Variants in LRRC28 observed in about 807,000 individuals in gnomAD.
LRRC28 encodes leucine-rich repeat-containing protein 28.
A neutral mutation model predicts 45.7 loss-of-function variants in LRRC28; 39 were observed. The observed-to-expected ratio is 0.85, with a 90% CI of 0.66 to 1.12. LRRC28 has a LOEUF of 1.12. Ranked by LOEUF, LRRC28 falls within the 50% of genes most tolerant of loss-of-function variation. The pLI, the probability that LRRC28 is intolerant of heterozygous loss-of-function variation, is 0.00. For synonymous variants in LRRC28, 206 were observed against 178.8 expected (o/e 1.15, Z -1.22); for missense variants, 435 against 438.5 (o/e 0.99, Z 0.07).
At chr15:99,252,513 G>A (rs1010266016) in intron 1 of LRRC28, among the ~76,000 whole-genome samples, 1 of 152,158 alleles carries the variant, frequency 6.6e-6, no homozygotes, top group Non-Finnish European at 1.5e-5. Flanking sequence ...TGCATTATAG[G>A]GCGGCGGTGC....
intron 5 of LRRC28, among the ~76,000 whole-genome samples, chr15:99,294,021 G>A (rs2082202719): frequency 2.6e-5 from 4 of 152,024 alleles, no homozygotes; most frequent in Admixed American, 6.6e-5. Context: ...TTTCCTGGCC[G>A]CCATTGTTTC....
chr15:99,332,053 C>G (rs960901756), intron 5 of LRRC28: 5 of 152,210 alleles, frequency 3.3e-5, no homozygotes, highest in African/African-American at 9.7e-5. Context: ...ACTCTTCTCT[C>G]CCACATAGTC....
chr15:99,381,616 T>TA (rs1252900586), intron 9 of LRRC28, among the ~76,000 whole-genome samples: 4 of 152,254 alleles, frequency 2.6e-5, no homozygotes, highest in Non-Finnish European at 4.4e-5. Context: ...CTCTGATTTT[T>TA]AGAGTTTTCA....
At position 99,386,271 on chromosome 15, in the gene LRRC28, G is replaced by A; in HGVS notation, c.*169G>A. 2.1e-5 allele frequency: 12 copies of A among 574,078 alleles called. No individual in the cohort carries two copies. Among genetic ancestry groups the A allele is most frequent in the Non-Finnish European group, 3.4e-5 (11 of 322,282 alleles). 35.6% of individuals were successfully genotyped at this position (574,078 alleles called of 1,614,324 possible). ...ATGCCTTCACCCTTCCCCCAAGTTG[G>A]AATATATCCTCCCCCAAATTAAGGA... is the stretch of plus-strand genomic sequence containing the variant. On this transcript the variant is annotated 3_prime_UTR_variant, in exon 10 of 10. Coordinates refer to ENST00000301981, the MANE Select transcript of LRRC28 (RefSeq NM_144598.5).
chr15:99,261,157 G>T (rs1389743659), intron 2 of LRRC28, among the ~76,000 whole-genome samples: 1 of 152,142 alleles, frequency 6.6e-6, no homozygotes, highest in Non-Finnish European at 1.5e-5. Flanking sequence ...CTTGGTGAAT[G>T]CTCATGTTTA....
At chr15:99,373,567 A>G (rs142421623) in intron 9 of LRRC28, among the ~76,000 whole-genome samples, 10 of 152,308 alleles carry the variant, frequency 6.6e-5, no homozygotes, top group African/African-American at 2.4e-4. Context: ...AAAATGCACA[A>G]TTACTGACTG....
intron 6 of LRRC28, among the ~76,000 whole-genome samples, chr15:99,350,142 CAAA>C (rs71149462): frequency 4.1e-5 from 4 of 97,874 alleles, no homozygotes; most frequent in East Asian, 3.2e-4. Context: ...GACTCCGTCT[CAAA>C]AAAAAAAAAA....
intron 9 of LRRC28, among the ~76,000 whole-genome samples, chr15:99,367,267 A>G (rs891074664): frequency 2.0e-5 from 3 of 152,188 alleles, no homozygotes; most frequent in African/African-American, 7.2e-5. Flanking sequence ...TAACTGTTTT[A>G]TCTGTTTTAT....
chr15:99,367,098 C>T (rs1329933139), intron 9 of LRRC28, among the ~76,000 whole-genome samples: 1 of 152,180 alleles, frequency 6.6e-6, no homozygotes, highest in African/African-American at 2.4e-5. Context: ...AGGTTAAGGG[C>T]TCAGTCCCAC....
chr15:99,355,328 A>G (rs1024870732), intron 7 of LRRC28: 2 of 152,230 alleles, frequency 1.3e-5, no homozygotes, highest in African/African-American at 2.4e-5. Context: ...ATGGAAATGT[A>G]TAGCATGGAA....
At position 99,293,617 on chromosome 15, in the gene LRRC28, A is replaced by C. The variant is rs1246772623; in HGVS notation, c.385+5666A>C. On this transcript the variant is annotated intron_variant, in intron 5 of 9. Coordinates refer to ENST00000301981, the MANE Select transcript of LRRC28 (RefSeq NM_144598.5). ...ACAAAAAAAAAAAAAAAAAAAAAAA[A>C]AAAAAAAAAAAAAAAACCTAAACAA... Among the ~76,000 whole-genome samples the C allele has an allele frequency of 4.4e-4, 63 of 142,634 alleles. 2 individuals carry two copies. Among genetic ancestry groups the C allele is most frequent in the African/African-American group, 1.5e-3 (57 of 37,304 alleles). The allele number at this position is 142,634 out of a possible 152,430, so 93.6% of individuals were successfully genotyped here. A position where few individuals can be genotyped will look rare whatever the true frequency, so the allele number is the denominator to read the frequency against.
chr15:99,262,291 A>G (rs550101191), intron 2 of LRRC28, among the ~76,000 whole-genome samples: 1 of 152,154 alleles, frequency 6.6e-6, no homozygotes, highest in Non-Finnish European at 1.5e-5. Flanking sequence ...ATAATTCAGA[A>G]TACTTTTAGG....
chr15:99,355,632 T>C (rs1178063887), intron 7 of LRRC28: 5 of 152,128 alleles, frequency 3.3e-5, no homozygotes, highest in Non-Finnish European at 5.9e-5. Flanking sequence ...GTTCATCCCA[T>C]GTTAGAATTT....
intron 6 of LRRC28, among the ~76,000 whole-genome samples, chr15:99,349,164 T>A (rs1006735190): frequency 3.3e-5 from 5 of 151,638 alleles, no homozygotes; most frequent in African/African-American, 1.2e-4. Context: ...GTTCTACTAG[T>A]TTTTTTTGTG....
At chr15:99,282,168 T>G (rs2081812804) in intron 3 of LRRC28, among the ~76,000 whole-genome samples, 1 of 114,762 alleles carries the variant, frequency 8.7e-6, no homozygotes, top group Non-Finnish European at 1.9e-5. Flanking sequence ...CTTATGCAAA[T>G]TTTTGGAGGT....
intron 2 of LRRC28, among the ~76,000 whole-genome samples, chr15:99,260,595 T>G (rs1341648038): frequency 6.6e-6 from 1 of 152,240 alleles, no homozygotes; most frequent in African/African-American, 2.4e-5. Context: ...AGCCCACCCA[T>G]TGCCTGATTA....
At chr15:99,340,128 C>T (rs1013787998) in intron 6 of LRRC28, among the ~76,000 whole-genome samples, 2 of 152,232 alleles carry the variant, frequency 1.3e-5, no homozygotes, top group Non-Finnish European at 2.9e-5. Context: ...CACACTGTGA[C>T]TTTGATAAGG....
At chr15:99,272,023 A>G (rs566634458) in intron 2 of LRRC28, among the ~76,000 whole-genome samples, 2 of 152,284 alleles carry the variant, frequency 1.3e-5, no homozygotes, top group African/African-American at 4.8e-5. Flanking sequence ...TTAGCTCTTA[A>G]ATTTAAGTTG....
intron 6 of LRRC28, among the ~76,000 whole-genome samples, chr15:99,345,672 T>C (rs181048907): frequency 4.0e-4 from 61 of 152,380 alleles, no homozygotes; most frequent in Admixed American, 1.5e-3. Flanking sequence ...ATAAATGTAT[T>C]GCCTTTTATA....
Sources: gnomAD v4.1 joint callset for allele counts (sites outside exome capture counted in the v4.1 genomes callset) on GRCh38, gnomAD v4.1.1 for gene constraint, MANE v1.5 for transcripts, NCBI Gene and HGNC (gene_info 2026-07-23, HGNC 2026-07-21) for gene names.